The following FLACC1 variants were observed in gnomAD, a reference collection of about 807,000 sequenced individuals.
FLACC1 encodes flagellum associated containing coiled-coil domains 1, also known as flagellum-associated coiled-coil domain-containing protein 1.
A neutral mutation model predicts 62.8 loss-of-function variants in FLACC1; 66 were observed. The observed-to-expected ratio is 1.05, with a 90% CI of 0.86 to 1.29. The LOEUF (loss-of-function observed/expected upper bound fraction) is 1.29. Ranked by LOEUF, FLACC1 falls within the 50% of genes most tolerant of loss-of-function variation. FLACC1 has a pLI of 0.00. For missense variants in FLACC1, 452 were observed against 489.1 expected (o/e 0.92, Z 0.71); for synonymous variants, 156 against 161.0 (o/e 0.97, Z 0.24).
At chr2:201,349,344 C>T (rs1950979859) in intron 3 of FLACC1, among the ~76,000 whole-genome samples, 1 of 152,192 alleles carries the variant, frequency 6.6e-6, no homozygotes, top group Non-Finnish European at 1.5e-5. Context: ...GCTCCTTTTG[C>T]CCCCTTTACA....
upstream of FLACC1, among the ~76,000 whole-genome samples, chr2:201,359,513 G>A (rs905321866): frequency 1.3e-5 from 2 of 152,148 alleles, no homozygotes; most frequent in Non-Finnish European, 2.9e-5. Flanking sequence ...CAGTATTTAC[G>A]ACAAGATTTC....
rs552539257 is a variant in FLACC1 at position 201,307,544 on chromosome 2, A to T, written c.854T>A (p.Phe285Tyr). Residue 285 changes from phenylalanine (F) to tyrosine (Y), a missense_variant, in exon 11 of 15, where the codon TTT becomes TAT. Phe to Tyr is a conservative substitution (Grantham distance 22, BLOSUM62 3). Around this residue, in one of 3 missense-constraint regions of FLACC1, gnomAD observed 301 missense variants for 318.4 expected, o/e 0.95. Coordinates refer to ENST00000392257, the MANE Select transcript of FLACC1 (RefSeq NM_001127391.3). ...CTCCTTCTCTTGAATGAAGTTCTCA[A>T]AGACAGCACTGCAGGATTCATTTAT... ...KKINESCSAV[F>Y]ENFIQEKEEL... 76 of 1,614,168 alleles carry T rather than the reference A, an allele frequency of 4.7e-5. 2 individuals carry two copies. The South Asian group carries it at 8.1e-4, about 17-fold the overall frequency.
rs972828871 is a variant in FLACC1, at chr2:201,296,204, C to T, written c.942+3034G>A. ...TATAAATCATGCTGCTATAAAGACA[C>T]ATGCACACGTATGTTTATTGCGGCA... On this transcript the variant is annotated intron_variant, in intron 12 of 14. Transcript: ENST00000392257. Among the ~76,000 whole-genome samples the T allele has an allele frequency of 5.0e-4, 76 of 152,138 alleles. 1 individual carries two copies. The highest frequency in any genetic ancestry group is 1.5e-4 in the Non-Finnish European group (10 of 68,044).
At chr2:201,318,288 C>G (rs185452033) in intron 9 of FLACC1, among the ~76,000 whole-genome samples, 1 of 152,154 alleles carries the variant, frequency 6.6e-6, no homozygotes, top group Non-Finnish European at 1.5e-5. Context: ...GCAAAAAGAA[C>G]AGTCATCAGA....
At chr2:201,293,826 A>AATT (rs1949794963) in intron 12 of FLACC1, among the ~76,000 whole-genome samples, 2 of 151,974 alleles carry the variant, frequency 1.3e-5, no homozygotes, top group Non-Finnish European at 2.9e-5. Context: ...GCAAAAAAAA[A>AATT]CGATAAAGGG....
rs560203280 is a variant in FLACC1, at chr2:201,342,271, T to C, written c.524+99A>G. Reference sequence around the variant, plus strand: ...CCCCACCCTTCATCCCCCAACTCCATTTAGAACTATTTGAAGTCCCAGTGA... The same window carrying C: ...CCCCACCCTTCATCCCCCAACTCCACTTAGAACTATTTGAAGTCCCAGTGA... On this transcript the variant is annotated intron_variant, in intron 7 of 14. Coordinates refer to ENST00000392257, the MANE Select transcript of FLACC1 (RefSeq NM_001127391.3). The C allele has an allele frequency of 1.9e-4, 207 of 1,067,034 alleles. 3 individuals carry two copies. The South Asian group carries it at 2.5e-3, about 13-fold the overall frequency. 66.1% of individuals were successfully genotyped at this position (1,067,034 alleles called of 1,614,324 possible). A position where few individuals can be genotyped will look rare whatever the true frequency, so the allele number is the denominator to read the frequency against.
upstream of FLACC1, among the ~76,000 whole-genome samples, chr2:201,358,401 T>C (rs1951150571): frequency 6.9e-6 from 1 of 144,604 alleles, no homozygotes; most frequent in South Asian, 2.2e-4. Flanking sequence ...CACAGCACCA[T>C]GCCCAGCTAA....
intron 9 of FLACC1, among the ~76,000 whole-genome samples, chr2:201,323,435 T>G (rs1055171725): frequency 5.3e-5 from 8 of 152,194 alleles, no homozygotes; most frequent in African/African-American, 1.9e-4. Context: ...TGGGGTCTTA[T>G]CTTCAATCTC....
At chr2:201,319,061 C>A (rs1184339335) in intron 9 of FLACC1, among the ~76,000 whole-genome samples, 1 of 152,054 alleles carries the variant, frequency 6.6e-6, no homozygotes, top group Non-Finnish European at 1.5e-5. Flanking sequence ...ACTCATGTAA[C>A]CAAACACCTC....
intron 9 of FLACC1, among the ~76,000 whole-genome samples, chr2:201,316,032 A>C (rs1950300539): frequency 6.6e-6 from 1 of 152,166 alleles, no homozygotes; most frequent in East Asian, 1.9e-4. Flanking sequence ...AAACCTATCA[A>C]AACCTCTGGG....
chr2:201,344,429 G>A (rs1295695033), intron 5 of FLACC1, among the ~76,000 whole-genome samples, 166 bp from the exon 6 acceptor site: 2 of 152,164 alleles, frequency 1.3e-5, no homozygotes, highest in Non-Finnish European at 2.9e-5. Flanking sequence ...GATAGGGGTG[G>A]TCTTACAGAA....
At chr2:201,315,314 A>G (rs1950289197) in intron 9 of FLACC1, among the ~76,000 whole-genome samples, 5 of 152,164 alleles carry the variant, frequency 3.3e-5, no homozygotes, top group Admixed American at 3.3e-4. Context: ...CAGTTGACTC[A>G]CCTAACACAT....
At chr2:201,339,662 A>C (rs1441358372) in intron 7 of FLACC1, among the ~76,000 whole-genome samples, 5 of 151,518 alleles carry the variant, frequency 3.3e-5, no homozygotes, top group Non-Finnish European at 4.4e-5. Flanking sequence ...TCATTGTTCT[A>C]TTGGTCATTC....
chr2:201,300,432 G>A (rs948532989), intron 11 of FLACC1, among the ~76,000 whole-genome samples: 18 of 152,158 alleles, frequency 1.2e-4, no homozygotes, highest in African/African-American at 3.9e-4. Flanking sequence ...TGGAAAGCTC[G>A]AATTGGGTGG....
chr2:201,331,888 A>C (rs1315745247), intron 7 of FLACC1, among the ~76,000 whole-genome samples: 1 of 152,228 alleles, frequency 6.6e-6, no homozygotes. Flanking sequence ...ATATAGGTTC[A>C]TTGATTATAA....
At chr2:201,344,480 T>C (rs891906847) in intron 5 of FLACC1, among the ~76,000 whole-genome samples, 4 of 152,214 alleles carry the variant, frequency 2.6e-5, no homozygotes, top group African/African-American at 9.6e-5. Flanking sequence ...GATCTGGCTC[T>C]TGTGGGTAAG....
chr2:201,307,379 A>G, intron 11 of FLACC1, 140 bp downstream of exon 11: 1 of 685,832 alleles, frequency 1.5e-6, no homozygotes, highest in East Asian at 2.5e-5. Context: ...GTCTATTTGC[A>G]TACATTTCCA....
rs1451003849 is a variant in FLACC1, at chr2:201,346,555, C to T, written c.355G>A (p.Gly119Ser). ...CAACAGCATTACCTGGAAAATCTGC[C>T]TTTGTCCGGGATCTCCGATTCCCAC... ...KRWESEIPDK[G>S]RFSRTNIISD... The change falls in exon 5 of 15, where the codon GGC becomes AGC. Residue 119 changes from glycine (G) to serine (S), a missense_variant. This residue lies in a region of FLACC1 where 147 missense variants were observed against 152.7 expected (regional missense o/e 0.96). Transcript: ENST00000392257. The surrounding 1 kb of genome is among the most constrained non-coding windows in gnomAD (Gnocchi z 4.0). 6.2e-7 allele frequency: 1 copy of T among 1,613,916 alleles called. No homozygotes were observed. Among genetic ancestry groups the T allele is most frequent in the African/African-American group, 1.3e-5 (1 of 74,914 alleles).
the FLACC1 span, among the ~76,000 whole-genome samples, chr2:201,363,257 G>A: frequency 6.6e-6 from 1 of 151,926 alleles, no homozygotes; most frequent in Admixed American, 6.5e-5. Context: ...AGCAGCCTGA[G>A]TTGTCCTACC....
Sources: gnomAD v4.1 joint callset for allele counts (sites outside exome capture counted in the v4.1 genomes callset) on GRCh38, gnomAD v4.1.1 for gene constraint, gnomAD v4.1.1 regional missense constraint, Gnocchi (gnomAD v3.1) non-coding constraint, MANE v1.5 for transcripts, NCBI Gene and HGNC (gene_info 2026-07-23, HGNC 2026-07-21) for gene names.